Variants in CEP112 observed in about 807,000 individuals in gnomAD.
CEP112 encodes centrosomal protein 112.
A neutral mutation model predicts 153.0 loss-of-function variants in CEP112; 127 were observed. The observed-to-expected ratio is 0.83, with a 90% CI of 0.72 to 0.96. The LOEUF is 0.96. Ranked by LOEUF, CEP112 falls within the 40% of genes least tolerant of loss-of-function variation. CEP112 has a pLI of 0.00. For missense variants in CEP112, 1,089 were observed against 1,101.2 expected (o/e 0.99, Z 0.16); for synonymous variants, 358 against 374.4 (o/e 0.96, Z 0.51).
chr17:66,087,196 A>C (rs558132915), intron 8 of CEP112, among the ~76,000 whole-genome samples: 6 of 152,344 alleles, frequency 3.9e-5, no homozygotes, highest in African/African-American at 1.4e-4. Flanking sequence ...CACATTTAAA[A>C]ATGAATTTCT....
chr17:66,182,142 A>G (rs895796622), intron 2 of CEP112: 3 of 152,234 alleles, frequency 2.0e-5, no homozygotes, highest in Non-Finnish European at 4.4e-5. Context: ...CAGTCCAAAA[A>G]TAGGTGAGCA....
intron 21 of CEP112, among the ~76,000 whole-genome samples, chr17:65,833,167 T>C (rs183563044): frequency 2.6e-5 from 4 of 152,218 alleles, no homozygotes; most frequent in Admixed American, 2.6e-4. Context: ...CCCCTTCATG[T>C]TAAAAACTCT....
At chr17:65,887,800 T>G (rs1421749313) in intron 20 of CEP112, among the ~76,000 whole-genome samples, 2 of 152,184 alleles carry the variant, frequency 1.3e-5, no homozygotes, top group African/African-American at 4.8e-5. Flanking sequence ...TGCAGTCCTC[T>G]TGCCACCCCT....
At chr17:66,020,768 T>C (rs1048067690) in intron 16 of CEP112, among the ~76,000 whole-genome samples, 2 of 152,202 alleles carry the variant, frequency 1.3e-5, no homozygotes, top group Non-Finnish European at 2.9e-5. Context: ...CTATATCTTA[T>C]AGCAAAAAAG....
chr17:65,912,197 C>G (rs569362954), intron 19 of CEP112, among the ~76,000 whole-genome samples: 14 of 152,276 alleles, frequency 9.2e-5, no homozygotes, highest in South Asian at 8.3e-4. Flanking sequence ...TCTATCTTAT[C>G]TCTCAGAACA....
At chr17:65,796,556 G>A (rs940116384) in intron 21 of CEP112, among the ~76,000 whole-genome samples, 3 of 152,046 alleles carry the variant, frequency 2.0e-5, no homozygotes, top group Non-Finnish European at 2.9e-5. Flanking sequence ...TCACTGAAGC[G>A]GGAAGATCCC....
In CEP112 at chr17:65,927,659, A is replaced by T. The variant is rs753109049; in HGVS notation, c.1903T>A (p.Ser635Thr). The T allele has an allele frequency of 3.2e-6, 5 of 1,582,392 alleles. No individual in the cohort carries two copies. In the African/African-American group the frequency reaches 6.8e-5, roughly 22 times the overall value. The stretch of plus-strand genomic sequence containing the variant: ...GATTGTTTCTCACGAAGAGATTTGG[A>T]TCTAGTTAGATCTGCCTCCACTTTT... ...MEKVEADLTR[S>T]KSLREKQSKE... Residue 635 changes from serine to threonine, a missense_variant, in exon 19 of 27, where the codon TCC (serine) becomes ACC (threonine). Coordinates refer to ENST00000535342, the MANE Select transcript of CEP112 (RefSeq NM_001199165.4).
intron 18 of CEP112, among the ~76,000 whole-genome samples, chr17:65,949,041 A>G (rs1372192822): frequency 9.5e-5 from 13 of 136,980 alleles, no homozygotes; most frequent in Non-Finnish European, 7.8e-5. Flanking sequence ...ATCTAAACAC[A>G]TTATGATTAT....
At chr17:65,798,578 A>G (rs898363528) in intron 21 of CEP112, among the ~76,000 whole-genome samples, 3 of 152,150 alleles carry the variant, frequency 2.0e-5, no homozygotes, top group African/African-American at 4.8e-5. Flanking sequence ...TCATTATTCA[A>G]TTTCATTTAG....
chr17:66,074,596 G>A (rs2067417429), intron 8 of CEP112, among the ~76,000 whole-genome samples: 1 of 152,112 alleles, frequency 6.6e-6, no homozygotes, highest in African/African-American at 2.4e-5. Context: ...TGGGCATGGT[G>A]GCTCACACCT....
chr17:66,166,548 T>C (rs1439617561), intron 4 of CEP112, among the ~76,000 whole-genome samples: 1 of 152,100 alleles, frequency 6.6e-6, no homozygotes, highest in African/African-American at 2.4e-5. Flanking sequence ...CTATTACTTT[T>C]GTGTTCTTTG....
intron 24 of CEP112, among the ~76,000 whole-genome samples, chr17:65,649,051 A>AAAACAAACAAACAAAC (rs765883855): frequency 6.8e-6 from 1 of 146,188 alleles, no homozygotes; most frequent in African/African-American, 2.6e-5. Flanking sequence ...AGTCTGTCTC[A>AAAACAAACAAACAAAC]AAACAAACAA....
chr17:65,802,992 C>T (rs558108632), intron 21 of CEP112, among the ~76,000 whole-genome samples: 10 of 152,310 alleles, frequency 6.6e-5, no homozygotes, highest in Non-Finnish European at 1.0e-4. Flanking sequence ...AAATCTAAGG[C>T]TAAGTCTAAA....
intron 20 of CEP112, among the ~76,000 whole-genome samples, chr17:65,884,478 T>C (rs1347823184): frequency 6.6e-6 from 1 of 152,146 alleles, no homozygotes; most frequent in African/African-American, 2.4e-5. Context: ...ACAGAAAATA[T>C]GTAAGGAGTA....
intron 9 of CEP112, 31 bp from the exon 10 acceptor site, chr17:66,066,908 T>C (rs2067141944): frequency 7.3e-7 from 1 of 1,361,162 alleles, no homozygotes; most frequent in Admixed American, 2.6e-5. Flanking sequence ...TTTCAGTATA[T>C]TGTACTACTT....
intron 21 of CEP112, among the ~76,000 whole-genome samples, chr17:65,812,160 C>T (rs538927504): frequency 7.9e-5 from 12 of 152,070 alleles, no homozygotes; most frequent in Admixed American, 2.0e-4. Context: ...CCCGCCACCA[C>T]GCCTGGATAA....
At position 65,745,704 on chromosome 17, in the gene CEP112, G is replaced by A. The variant is rs1009512018; in HGVS notation, c.2458-2487C>T. On this transcript the variant is annotated intron_variant, in intron 22 of 26. Coordinates refer to ENST00000535342, the MANE Select transcript of CEP112 (RefSeq NM_001199165.4). ...TGCGTGTGTGTGTGTTTAGTTCTGC[G>A]CAGTTTAACACATGTATAGATTCAT... Among the ~76,000 whole-genome samples the A allele has an allele frequency of 4.6e-5, 7 of 152,212 alleles. No homozygotes were observed. The East Asian group carries it at 5.8e-4, about 13-fold the overall frequency.
At chr17:66,136,317 C>T (rs576635817) in intron 4 of CEP112, among the ~76,000 whole-genome samples, 1 of 151,926 alleles carries the variant, frequency 6.6e-6, no homozygotes, top group Non-Finnish European at 1.5e-5. Context: ...AACGAAAAAG[C>T]TGAAGCATCT....
chr17:65,808,598 A>G (rs546546324), intron 21 of CEP112, among the ~76,000 whole-genome samples: 152 of 152,118 alleles, frequency 1.0e-3, no homozygotes, highest in African/African-American at 3.5e-3. Flanking sequence ...TGTTCTTGTG[A>G]TAGTGAGTTC....
Sources: gnomAD v4.1 joint callset for allele counts (sites outside exome capture counted in the v4.1 genomes callset) on GRCh38, gnomAD v4.1.1 for gene constraint, MANE v1.5 for transcripts, NCBI Gene and HGNC (gene_info 2026-07-23, HGNC 2026-07-21) for gene names.